The following PSIP1 variants were observed in gnomAD, a reference collection of about 807,000 sequenced individuals.
PSIP1 encodes PC4 and SRSF1 interacting protein 1, also known as PC4 and SFRS1-interacting protein.
Under a neutral mutation model 74.7 loss-of-function variants are expected in PSIP1, and 19 were observed. The ratio of observed to expected loss-of-function variants is 0.25; its 90% confidence interval spans 0.18 to 0.37. PSIP1 has a LOEUF of 0.37. PSIP1 is among the 10% of genes least tolerant of loss of function. The pLI is 1.00. For synonymous variants in PSIP1, 222 were observed against 195.3 expected (o/e 1.14, Z -1.14); for missense variants, 601 against 614.3 (o/e 0.98, Z 0.23).
rs576025292 is a variant in PSIP1, at chr9:15,496,234, T to C, written c.150-6110A>G. Among the ~76,000 whole-genome samples, 4 of 152,354 alleles carry C rather than the reference T, an allele frequency of 2.6e-5. No homozygotes were observed. In the East Asian group the frequency reaches 7.7e-4, roughly 29 times the overall value. ...GGTGAAATTTTAACCATGTTGTTAG[T>C]GGACTGTTACTTAGCTAAGTCATGG... On this transcript the variant is annotated intron_variant, in intron 3 of 15. Transcript: ENST00000380733.
chr9:15,473,798 G>C (rs1281974093), intron 9 of PSIP1, among the ~76,000 whole-genome samples: 3 of 151,656 alleles, frequency 2.0e-5, no homozygotes, highest in African/African-American at 4.8e-5. Context: ...CTACTCAGGA[G>C]GCTAAGGCTG....
chr9:15,467,814 A>G (rs2035696332), intron 14 of PSIP1, among the ~76,000 whole-genome samples: 1 of 152,220 alleles, frequency 6.6e-6, no homozygotes, highest in African/African-American at 2.4e-5. Context: ...TATGCTACAC[A>G]TCTAAGTGCT....
At chr9:15,483,945 T>C (rs1000043654) in intron 6 of PSIP1, among the ~76,000 whole-genome samples, 2 of 151,940 alleles carry the variant, frequency 1.3e-5, no homozygotes, top group African/African-American at 4.8e-5. Context: ...CTGGCCACCA[T>C]GGTGAAACCC....
chr9:15,469,996 A>G lies in PSIP1; in HGVS notation c.978-3T>C, dbSNP rs372231414. ...TCTTTCCTTCATCTTTATTCTGCCT[A>G]TCAAATGTTAACAAAAATATTTCAA... is the stretch of plus-strand genomic sequence containing the variant. On this transcript the variant is annotated splice_polypyrimidine_tract_variant and splice_region_variant and intron_variant, in intron 10 of 15. Transcript: ENST00000380733. 1.2e-6 allele frequency: 2 copies of G among 1,603,224 alleles called. No homozygotes were observed. The highest frequency in any genetic ancestry group is 1.7e-6 in the Non-Finnish European group (2 of 1,175,580).
At chr9:15,502,122 G>A (rs2132217000) in intron 3 of PSIP1, among the ~76,000 whole-genome samples, 1 of 152,182 alleles carries the variant, frequency 6.6e-6, no homozygotes, top group African/African-American at 2.4e-5. Flanking sequence ...CTGATCTGAG[G>A]TGGAACAGTT....
intron 3 of PSIP1, chr9:15,505,067 T>C (rs1267940102): frequency 2.7e-5 from 4 of 149,794 alleles, no homozygotes; most frequent in African/African-American, 9.9e-5. Context: ...GCCTCTGGAG[T>C]AGCTGGGACC....
chr9:15,471,054 T>A, intron 10 of PSIP1: 2 of 1,466,226 alleles, frequency 1.4e-6, no homozygotes, highest in East Asian at 4.9e-5. Context: ...GTCCTCAATT[T>A]AGAATCTGGA....
At chr9:15,503,883 A>T (rs1312553474) in intron 3 of PSIP1, among the ~76,000 whole-genome samples, 1 of 152,118 alleles carries the variant, frequency 6.6e-6, no homozygotes, top group Non-Finnish European at 1.5e-5. Context: ...AGTAGCTGAG[A>T]CTACAGGTGC....
intron 3 of PSIP1, among the ~76,000 whole-genome samples, chr9:15,499,079 C>T (rs1240959584): frequency 4.6e-5 from 7 of 152,186 alleles, no homozygotes; most frequent in Non-Finnish European, 1.0e-4. Context: ...CCAAAAACCT[C>T]ATTTTAAAGA....
chr9:15,488,699 A>G (rs1382058583), intron 4 of PSIP1, among the ~76,000 whole-genome samples: 1 of 152,152 alleles, frequency 6.6e-6, no homozygotes, highest in Non-Finnish European at 1.5e-5. Context: ...ATCCTGGCTA[A>G]CAAGGTGAAA....
intron 6 of PSIP1, among the ~76,000 whole-genome samples, chr9:15,484,682 G>C (rs993777989): frequency 8.6e-5 from 13 of 151,854 alleles, no homozygotes; most frequent in Non-Finnish European, 1.6e-4. Context: ...AGCCGAGATG[G>C]CGCCACTGCA....
chr9:15,473,996 G>A lies in PSIP1; in HGVS notation c.858+13C>T, dbSNP rs771674087. 8.2e-6 allele frequency: 13 copies of A among 1,578,740 alleles called. No homozygotes were observed. Among genetic ancestry groups the A allele is most frequent in the Middle Eastern group, 1.7e-4 (1 of 5,844 alleles). On this transcript the variant is annotated intron_variant, in intron 9 of 15. Coordinates refer to ENST00000380733, the MANE Select transcript of PSIP1 (RefSeq NM_033222.5). ...AGAATAGAACAGCCATTTTATATAT[G>A]TAAACTTTATACCTTTTCACCTTCT...
chr9:15,467,341 A>G (rs1440401863), intron 14 of PSIP1, among the ~76,000 whole-genome samples: 1 of 152,208 alleles, frequency 6.6e-6, no homozygotes, highest in Non-Finnish European at 1.5e-5. Context: ...AGTCGTATTA[A>G]TAATTCTCTA....
chr9:15,470,017 T>C, intron 10 of PSIP1, 24 bp from the exon 11 acceptor site: 2 of 1,575,102 alleles, frequency 1.3e-6, no homozygotes, highest in South Asian at 2.2e-5. Context: ...ACAAAAATAT[T>C]TCAACACATT....
chr9:15,489,956 T>A (rs1351550990), intron 4 of PSIP1, 30 bp downstream of exon 4: 2 of 1,474,994 alleles, frequency 1.4e-6, no homozygotes, highest in East Asian at 2.4e-5. Context: ...ATTAAATAAG[T>A]AATATCAAAT....
intron 2 of PSIP1, among the ~76,000 whole-genome samples, chr9:15,509,621 A>G (rs2665503): frequency 0.14 from 21,530 of 152,240 alleles, 3,277 homozygotes; most frequent in African/African-American, 0.38. Flanking sequence ...TCTGTATTAA[A>G]CAAGCAAATC....
chr9:15,471,197 A>G (rs1415583842), intron 10 of PSIP1: 4 of 1,606,848 alleles, frequency 2.5e-6, no homozygotes, highest in Non-Finnish European at 3.4e-6. Flanking sequence ...AAAATGAGAT[A>G]TATTTTTTAT....
At chr9:15,477,409 T>C (rs1458739570) in intron 8 of PSIP1, among the ~76,000 whole-genome samples, 1 of 152,196 alleles carries the variant, frequency 6.6e-6, no homozygotes, top group African/African-American at 2.4e-5. Context: ...TATGTGCCAC[T>C]ATTTTTGAAA....
At chr9:15,509,865 A>G (rs1228455101) in intron 2 of PSIP1, among the ~76,000 whole-genome samples, 4 of 152,218 alleles carry the variant, frequency 2.6e-5, no homozygotes, top group African/African-American at 4.8e-5. Flanking sequence ...GCATTTAAAT[A>G]TTTCCTAGGA....
Sources: gnomAD v4.1 joint callset for allele counts (sites outside exome capture counted in the v4.1 genomes callset) on GRCh38, gnomAD v4.1.1 for gene constraint, MANE v1.5 for transcripts, NCBI Gene and HGNC (gene_info 2026-07-23, HGNC 2026-07-21) for gene names.